The following LTBP1 variants were observed in gnomAD, a reference collection of about 807,000 sequenced individuals.
LTBP1 encodes latent-transforming growth factor beta-binding protein 1.
A neutral mutation model predicts 207.6 loss-of-function variants in LTBP1; 129 were observed. That is an observed-to-expected ratio of 0.62 (90% CI 0.54 to 0.72). The LOEUF is 0.72. Ranked by LOEUF, LTBP1 falls within the 30% of genes least tolerant of loss-of-function variation. The pLI is 0.00. For synonymous variants in LTBP1, 963 were observed against 833.7 expected (o/e 1.16, Z -2.67); for missense variants, 2,281 against 2,217.2 (o/e 1.03, Z -0.58).
chr2:33,094,335 G>A (rs1157851388), intron 3 of LTBP1, among the ~76,000 whole-genome samples: 1 of 152,094 alleles, frequency 6.6e-6, no homozygotes, highest in Non-Finnish European at 1.5e-5. Flanking sequence ...AATTTTTGCT[G>A]TATCTAGGAG....
chr2:32,995,183 CA>C (rs374253181), intron 2 of LTBP1, among the ~76,000 whole-genome samples: 31 of 140,674 alleles, frequency 2.2e-4, no homozygotes, highest in African/African-American at 5.0e-4. Flanking sequence ...ACCCTGTCTC[CA>C]AAAAAAAAAA....
intron 26 of LTBP1, among the ~76,000 whole-genome samples, chr2:33,354,332 G>GA (rs765665979): frequency 1.3e-5 from 2 of 151,820 alleles, no homozygotes; most frequent in Non-Finnish European, 2.9e-5. Context: ...CTTTTGGTAG[G>GA]AAAAAAATAT....
At chr2:32,988,751 T>C (rs1458331992) in intron 2 of LTBP1, among the ~76,000 whole-genome samples, 1 of 152,148 alleles carries the variant, frequency 6.6e-6, no homozygotes, top group Non-Finnish European at 1.5e-5. Flanking sequence ...TAAGCAGAGG[T>C]CCACACCCTC....
intron 26 of LTBP1, among the ~76,000 whole-genome samples, chr2:33,356,259 G>A (rs562497531): frequency 6.6e-6 from 1 of 152,366 alleles, no homozygotes; most frequent in African/African-American, 2.4e-5. Flanking sequence ...TCAGGGGTCA[G>A]CATCTGGTTG....
At chr2:32,972,262 T>G (rs6743495) in intron 2 of LTBP1, among the ~76,000 whole-genome samples, 8,525 of 124,454 alleles carry the variant, frequency 0.068, 273 homozygotes, top group African/African-American at 0.083. Context: ...CTGGTTTCAT[T>G]GATCTTTTGT....
chr2:33,091,118 A>G (rs1371900704), intron 3 of LTBP1, among the ~76,000 whole-genome samples: 1 of 152,158 alleles, frequency 6.6e-6, no homozygotes, highest in Non-Finnish European at 1.5e-5. Context: ...AGAAAGCTGT[A>G]TGAATGGAGG....
At chr2:33,351,309 T>A (rs1250311281) in intron 26 of LTBP1, among the ~76,000 whole-genome samples, 15 of 152,194 alleles carry the variant, frequency 9.9e-5, no homozygotes. Context: ...TAAGGTTATA[T>A]AGCTAATGAA....
intron 4 of LTBP1, among the ~76,000 whole-genome samples, chr2:33,124,709 C>T (rs218201): frequency 0.037 from 5,562 of 152,330 alleles, 138 homozygotes; most frequent in Middle Eastern, 0.054. Flanking sequence ...GCTTTTCTAA[C>T]AGTTGCTCCA....
intron 4 of LTBP1, among the ~76,000 whole-genome samples, chr2:33,122,525 G>T (rs2081196748): frequency 6.6e-6 from 1 of 152,164 alleles, no homozygotes. Context: ...TCCCAAACAG[G>T]GATGATGTTG....
intron 23 of LTBP1, among the ~76,000 whole-genome samples, chr2:33,310,637 T>C (rs78866118): frequency 0.015 from 2,228 of 152,286 alleles, 22 homozygotes; most frequent in East Asian, 0.025. Flanking sequence ...TTCCCTACAT[T>C]GCCATACCAA....
intron 19 of LTBP1, among the ~76,000 whole-genome samples, chr2:33,283,712 A>C (rs563474220): frequency 8.1e-4 from 123 of 152,274 alleles, no homozygotes; most frequent in African/African-American, 2.8e-3. Flanking sequence ...CTGGGATTAC[A>C]GGCGTGAGCC....
intron 15 of LTBP1, among the ~76,000 whole-genome samples, chr2:33,271,730 A>G (rs2093326507): frequency 6.6e-6 from 1 of 152,204 alleles, no homozygotes; most frequent in Non-Finnish European, 1.5e-5. Context: ...TTCTGTGTGT[A>G]TTGTAGTATA....
intron 3 of LTBP1, among the ~76,000 whole-genome samples, chr2:33,029,151 A>G (rs1438931809): frequency 1.3e-5 from 2 of 152,206 alleles, no homozygotes; most frequent in Non-Finnish European, 2.9e-5. Flanking sequence ...CAATATTAGT[A>G]TCTTTGAATA....
intron 3 of LTBP1, among the ~76,000 whole-genome samples, chr2:33,088,240 T>A (rs10193837): frequency 0.067 from 10,206 of 151,986 alleles, 400 homozygotes; most frequent in South Asian, 0.14. Context: ...GATCACGAGG[T>A]TGGAAGTTCG....
intron 5 of LTBP1, among the ~76,000 whole-genome samples, chr2:33,176,667 C>G (rs2086092627): frequency 6.6e-6 from 1 of 152,146 alleles, no homozygotes; most frequent in Non-Finnish European, 1.5e-5. Context: ...ACGAAATAAT[C>G]TACAGTATAG....
At chr2:33,119,649 C>T (rs887662161) in intron 4 of LTBP1, among the ~76,000 whole-genome samples, 1 of 152,116 alleles carries the variant, frequency 6.6e-6, no homozygotes, top group Non-Finnish European at 1.5e-5. Flanking sequence ...CTCCGCCTCC[C>T]GGGTTCATGC....
intron 4 of LTBP1, among the ~76,000 whole-genome samples, chr2:33,117,940 T>C (rs950179871): frequency 1.3e-5 from 2 of 152,040 alleles, no homozygotes; most frequent in African/African-American, 4.8e-5. Context: ...ATGTCGATGT[T>C]GAAGTTTAGG....
chr2:33,388,830 A>G (rs2095289958), intron 31 of LTBP1, among the ~76,000 whole-genome samples: 1 of 152,158 alleles, frequency 6.6e-6, no homozygotes, highest in Non-Finnish European at 1.5e-5. Context: ...GTTTTTGATG[A>G]TAACTCTTGA....
chr2:33,377,273 C>G (rs2095152449), intron 31 of LTBP1, among the ~76,000 whole-genome samples: 1 of 152,154 alleles, frequency 6.6e-6, no homozygotes, highest in Non-Finnish European at 1.5e-5. Flanking sequence ...CAGGGAGGAC[C>G]AGTGGACCTT....
Sources: allele counts gnomAD v4.1 joint callset (sites outside exome capture counted in the v4.1 genomes callset), GRCh38; gene constraint gnomAD v4.1.1; transcripts MANE v1.5; gene names NCBI Gene and HGNC (gene_info 2026-07-23, HGNC 2026-07-21).